RYR3: variants seen among roughly 807,000 people sequenced by gnomAD.
RYR3 encodes ryanodine receptor 3, also known as brain ryanodine receptor-calcium release channel.
In RYR3, 207 loss-of-function variants were observed where a neutral mutation model predicts 584.3. The observed-to-expected ratio is 0.35, with a 90% CI of 0.32 to 0.40. The LOEUF (loss-of-function observed/expected upper bound fraction) is 0.40. RYR3 is among the 10% of genes least tolerant of loss of function. The pLI is 1.00. For missense variants in RYR3, 5,616 were observed against 6,089.2 expected, an observed-to-expected ratio of 0.92 and a Z score of 2.59; for synonymous variants, 2,416 against 2,248.5, an observed-to-expected ratio of 1.07 and a Z score of -2.11.
chr15:33,854,667 C>CT (rs2079459306), intron 97 of RYR3, 99 bp from the exon 98 acceptor site: 1 of 1,466,306 alleles, frequency 6.8e-7, no homozygotes, highest in Admixed American at 2.1e-5. Flanking sequence ...CCTAAACCCC[C>CT]TCTATCCTCA....
intron 27 of RYR3, among the ~76,000 whole-genome samples, chr15:33,640,723 C>T: frequency 6.6e-6 from 1 of 152,184 alleles, no homozygotes; most frequent in Admixed American, 6.5e-5. Context: ...TGCATATATT[C>T]TTGCCATTTC....
chr15:33,747,129 A>C (rs1031278689), intron 53 of RYR3, among the ~76,000 whole-genome samples: 1 of 152,264 alleles, frequency 6.6e-6, no homozygotes, highest in East Asian at 1.9e-4. Context: ...TTTCTAATAC[A>C]TGGAAGATAC....
chr15:33,693,260 C>T (rs1415411021), intron 38 of RYR3, among the ~76,000 whole-genome samples: 1 of 152,234 alleles, frequency 6.6e-6, no homozygotes, highest in Non-Finnish European at 1.5e-5. Context: ...ATGCCTGGTG[C>T]CCCGGGCTCT....
chr15:33,532,398 C>A lies in RYR3; in HGVS notation c.355-913C>A, dbSNP rs78963533. ...GTCATGGGACCTTCTGTCCCATGGT[C>A]ATGGGAAGGTCATCCATGTCCCTCC... is the stretch of plus-strand genomic sequence containing the variant. On this transcript the variant is annotated intron_variant, in intron 4 of 103. Transcript: ENST00000634891. Among the ~76,000 whole-genome samples the A allele has an allele frequency of 4.4e-3, 668 of 152,198 alleles. 3 individuals carry two copies. Among genetic ancestry groups the A allele is most frequent in the Admixed American group, 8.0e-3 (123 of 15,292 alleles).
intron 3 of RYR3, among the ~76,000 whole-genome samples, chr15:33,509,355 A>G (rs955630825): frequency 2.6e-5 from 4 of 152,200 alleles, no homozygotes; most frequent in African/African-American, 9.7e-5. Flanking sequence ...TTTTTATACC[A>G]TAGAAGAAAA....
chr15:33,320,598 A>G (rs1003372078), intron 1 of RYR3, among the ~76,000 whole-genome samples: 9 of 152,154 alleles, frequency 5.9e-5, no homozygotes, highest in Non-Finnish European at 1.3e-4. Context: ...TAACTTTTCC[A>G]TGTTTCTATG....
chr15:33,853,343 A>C (rs1435795565), intron 95 of RYR3, among the ~76,000 whole-genome samples: 1 of 152,216 alleles, frequency 6.6e-6, no homozygotes, highest in Non-Finnish European at 1.5e-5. Flanking sequence ...CTGCAAATCA[A>C]GATATCAGTA....
chr15:33,693,829 A>G lies in RYR3; in HGVS notation c.5861-2389A>G, dbSNP rs906544897. 3.3e-5 allele frequency among the ~76,000 whole-genome samples: 5 copies of G among 152,210 alleles called. 1 individual carries two copies. The highest frequency in any genetic ancestry group is 4.1e-4 in the South Asian group (2 of 4,828). ...TGAGTTTGGACAAGAGCAGGTGGAG[A>G]GTAACATTTTCTCCATCAAGGATGT... is the stretch of plus-strand genomic sequence containing the variant. On this transcript the variant is annotated intron_variant, in intron 38 of 103. Transcript: ENST00000634891.
chr15:33,540,997 A>C, intron 7 of RYR3, 107 bp downstream of exon 7: 1 of 677,222 alleles, frequency 1.5e-6, no homozygotes, highest in Admixed American at 2.3e-5. Context: ...GTCTTGGTAC[A>C]CAGGTAGCCT....
At chr15:33,777,802 A>AG (rs1278664642) in intron 64 of RYR3, among the ~76,000 whole-genome samples, 2 of 145,328 alleles carry the variant, frequency 1.4e-5, no homozygotes, top group Admixed American at 1.4e-4. Flanking sequence ...AAAAAAAAAA[A>AG]GAGAAGAATA....
intron 1 of RYR3, among the ~76,000 whole-genome samples, chr15:33,435,234 C>T (rs1045640979): frequency 1.3e-5 from 2 of 152,096 alleles, no homozygotes; most frequent in Non-Finnish European, 2.9e-5. Context: ...CCTAGAACCA[C>T]CCATTAGTTA....
intron 22 of RYR3, 98 bp downstream of exon 22, chr15:33,630,141 G>A (rs772779010): frequency 5.3e-5 from 34 of 646,382 alleles, no homozygotes; most frequent in Non-Finnish European, 8.7e-5. Context: ...CTGAAAACGT[G>A]GCACATTCTG....
At chr15:33,851,555 T>TA (rs1438842970) in intron 94 of RYR3, 1 of 152,154 alleles carries the variant, frequency 6.6e-6, no homozygotes, top group African/African-American at 2.4e-5. Flanking sequence ...TCGTAACAAG[T>TA]AAAAAATCTG....
chr15:33,516,261 C>T (rs1408239664), intron 3 of RYR3, among the ~76,000 whole-genome samples: 2 of 152,008 alleles, frequency 1.3e-5, no homozygotes, highest in African/African-American at 4.8e-5. Context: ...GAAACAGAGG[C>T]ATGCCCCCCC....
intron 20 of RYR3, among the ~76,000 whole-genome samples, chr15:33,626,989 C>T (rs1016599168): frequency 6.6e-6 from 1 of 152,142 alleles, no homozygotes; most frequent in Admixed American, 6.5e-5. Context: ...CACACAGAGT[C>T]CTCACTGGGA....
chr15:33,617,886 T>A (rs1411452867), intron 19 of RYR3, among the ~76,000 whole-genome samples: 1 of 152,226 alleles, frequency 6.6e-6, no homozygotes, highest in African/African-American at 2.4e-5. Context: ...CTCTTTTCTC[T>A]TAATGAATAT....
intron 99 of RYR3, 74 bp from the exon 100 acceptor site, chr15:33,859,501 A>C: frequency 1.3e-6 from 2 of 1,545,204 alleles, no homozygotes; most frequent in Non-Finnish European, 1.8e-6. Context: ...ACCGAATCAT[A>C]TGAATGATCT....
chr15:33,480,159 C>A (rs1318428715), intron 2 of RYR3, among the ~76,000 whole-genome samples: 1 of 152,192 alleles, frequency 6.6e-6, no homozygotes, highest in Non-Finnish European at 1.5e-5. Context: ...TGAGCACTGA[C>A]ATCAAGGACT....
intron 1 of RYR3, among the ~76,000 whole-genome samples, chr15:33,323,173 A>G (rs1325644444): frequency 6.6e-6 from 1 of 151,926 alleles, no homozygotes; most frequent in Non-Finnish European, 1.5e-5. Context: ...GTGCAGTGGC[A>G]CGATCTCTGC....
Sources: allele counts gnomAD v4.1 joint callset (sites outside exome capture counted in the v4.1 genomes callset), GRCh38; gene constraint gnomAD v4.1.1; transcripts MANE v1.5; gene names NCBI Gene and HGNC (gene_info 2026-07-23, HGNC 2026-07-21).